The following BRINP3 variants were observed in gnomAD, a reference collection of about 807,000 sequenced individuals.
BRINP3 encodes the protein BMP/retinoic acid-inducible neural-specific protein 3.
In BRINP3, 19 loss-of-function variants were observed where a neutral mutation model predicts 71.0. The ratio of observed to expected loss-of-function variants is 0.27; its 90% CI spans 0.19 to 0.39. The LOEUF (loss-of-function observed/expected upper bound fraction) is 0.39. Among genes scored for constraint, BRINP3 ranks in the 10% least tolerant of loss-of-function variants. The pLI is 1.00. For synonymous variants in BRINP3, 380 were observed against 337.7 expected (o/e 1.13, Z -1.37); for missense variants, 959 against 940.8 (o/e 1.02, Z -0.25).
chr1:190,227,688 GTGAC>G (rs1231162754), intron 5 of BRINP3, among the ~76,000 whole-genome samples: 1 of 151,828 alleles, frequency 6.6e-6, no homozygotes, highest in African/African-American at 2.4e-5. Context: ...TCAATATTGA[GTGAC>G]TGTGCTGAAG....
intron 2 of BRINP3, among the ~76,000 whole-genome samples, chr1:190,298,592 A>C (rs1344385716): frequency 1.3e-5 from 2 of 152,096 alleles, no homozygotes; most frequent in African/African-American, 4.8e-5. Flanking sequence ...AACCTATAGT[A>C]AGTTTCGAAG....
At chr1:190,377,843 A>C (rs1670281060) in intron 2 of BRINP3, among the ~76,000 whole-genome samples, 1 of 152,026 alleles carries the variant, frequency 6.6e-6, no homozygotes, top group African/African-American at 2.4e-5. Flanking sequence ...ACTGAAAAGT[A>C]CAAAATATTG....
chr1:190,412,893 A>G (rs948028144), intron 2 of BRINP3, among the ~76,000 whole-genome samples: 4 of 152,180 alleles, frequency 2.6e-5, no homozygotes, highest in Non-Finnish European at 5.9e-5. Flanking sequence ...AAAGTAATTT[A>G]CAAAAAGAAA....
intron 7 of BRINP3, among the ~76,000 whole-genome samples, chr1:190,143,624 T>A (rs1245989827): frequency 6.6e-6 from 1 of 152,062 alleles, no homozygotes; most frequent in African/African-American, 2.4e-5. Context: ...AAGGGCTGAA[T>A]CCAAAAACAT....
At chr1:190,412,395 T>TTA (rs10552194) in intron 2 of BRINP3, among the ~76,000 whole-genome samples, 33,925 of 134,558 alleles carry the variant, frequency 0.25, 4,643 homozygotes, top group East Asian at 0.36. Context: ...TATATATATA[T>TTA]TATATATATA....
intron 4 of BRINP3, among the ~76,000 whole-genome samples, chr1:190,263,976 TG>T (rs1255969170): frequency 6.6e-6 from 1 of 152,194 alleles, no homozygotes; most frequent in African/African-American, 2.4e-5. Flanking sequence ...CATTCCTTTT[TG>T]TATTGACTAT....
chr1:190,440,808 T>C (rs1036409262), intron 2 of BRINP3, among the ~76,000 whole-genome samples: 3 of 151,782 alleles, frequency 2.0e-5, no homozygotes, highest in Admixed American at 1.3e-4. Flanking sequence ...AAATAAAAGA[T>C]TGAAAAACTT....
intron 4 of BRINP3, among the ~76,000 whole-genome samples, chr1:190,255,320 C>G (rs1303039574): frequency 6.6e-6 from 1 of 151,798 alleles, no homozygotes; most frequent in East Asian, 1.9e-4. Context: ...GGAGGATTCC[C>G]TCTTTTTCTA....
intron 4 of BRINP3, among the ~76,000 whole-genome samples, chr1:190,253,185 C>T (rs1396758637): frequency 6.6e-6 from 1 of 152,090 alleles, no homozygotes; most frequent in African/African-American, 2.4e-5. Context: ...CATTGATGGA[C>T]ATTTGGGTTG....
intron 7 of BRINP3, among the ~76,000 whole-genome samples, chr1:190,150,060 C>T (rs1415811044): frequency 6.6e-6 from 1 of 151,772 alleles, no homozygotes; most frequent in Admixed American, 6.6e-5. Flanking sequence ...CATTTTTTTT[C>T]AGTGTTAGGG....
intron 6 of BRINP3, among the ~76,000 whole-genome samples, chr1:190,205,206 A>C (rs982819935): frequency 1.3e-5 from 2 of 151,522 alleles, no homozygotes; most frequent in Non-Finnish European, 2.9e-5. Context: ...AGGATGAATA[A>C]ACTTTCCGTG....
intron 2 of BRINP3, among the ~76,000 whole-genome samples, chr1:190,314,091 T>A (rs943484361): frequency 6.6e-6 from 1 of 152,082 alleles, no homozygotes; most frequent in African/African-American, 2.4e-5. Flanking sequence ...GAGTGACTTG[T>A]ATATGTAGAG....
chr1:190,150,523 A>G (rs963450559), intron 7 of BRINP3, among the ~76,000 whole-genome samples: 2 of 152,168 alleles, frequency 1.3e-5, no homozygotes, highest in Non-Finnish European at 2.9e-5. Flanking sequence ...TGATTCAGAA[A>G]TGATATCATT....
At chr1:190,263,807 C>T (rs572312725) in intron 4 of BRINP3, among the ~76,000 whole-genome samples, 7 of 152,018 alleles carry the variant, frequency 4.6e-5, no homozygotes, top group South Asian at 4.2e-4. Flanking sequence ...AGCATGGTCT[C>T]GATCTCCCGA....
At chr1:190,296,472 T>C (rs527428085) in intron 2 of BRINP3, among the ~76,000 whole-genome samples, 1 of 152,200 alleles carries the variant, frequency 6.6e-6, no homozygotes, top group East Asian at 1.9e-4. Flanking sequence ...TACTCAATGG[T>C]GAAAAATGAA....
intron 2 of BRINP3, among the ~76,000 whole-genome samples, chr1:190,409,744 C>T (rs1365532370): frequency 6.6e-6 from 1 of 151,854 alleles, no homozygotes; most frequent in East Asian, 1.9e-4. Context: ...AGGAGCAGAC[C>T]ATAAGAAGAA....
At chr1:190,458,710 T>C (rs1676175857) in intron 1 of BRINP3, among the ~76,000 whole-genome samples, 1 of 151,944 alleles carries the variant, frequency 6.6e-6, no homozygotes, top group Non-Finnish European at 1.5e-5. Context: ...GGTGAACAGC[T>C]AAACTTAGAT....
At chr1:190,276,714 T>C (rs900876840) in intron 3 of BRINP3, among the ~76,000 whole-genome samples, 10 of 151,426 alleles carry the variant, frequency 6.6e-5, no homozygotes, top group African/African-American at 1.9e-4. Context: ...TAAATCACTA[T>C]TGTATGAAGT....
chr1:190,249,158 C>T (rs1659887937), intron 4 of BRINP3, among the ~76,000 whole-genome samples: 1 of 151,668 alleles, frequency 6.6e-6, no homozygotes, highest in Non-Finnish European at 1.5e-5. Context: ...GAAAACCATG[C>T]CACACAGCTG....
Sources: gnomAD v4.1 joint callset for allele counts (sites outside exome capture counted in the v4.1 genomes callset) on GRCh38, gnomAD v4.1.1 for gene constraint, MANE v1.5 for transcripts, NCBI Gene and HGNC (gene_info 2026-07-23, HGNC 2026-07-21) for gene names.